Variants in NRG3 observed in about 807,000 individuals in gnomAD.
NRG3 encodes pro-neuregulin-3, membrane-bound isoform.
Under a neutral mutation model 66.9 loss-of-function variants are expected in NRG3, and 31 were observed. The observed-to-expected ratio is 0.46, with a 90% CI of 0.35 to 0.63. The LOEUF is 0.63. Among genes scored for constraint, NRG3 ranks in the 20% least tolerant of loss-of-function variants. The pLI is 0.00. For missense variants in NRG3, 910 were observed against 878.9 expected (o/e 1.04, Z -0.45); for synonymous variants, 393 against 359.4 (o/e 1.09, Z -1.06).
chr10:82,946,506 T>C (rs1342930811), intron 4 of NRG3, among the ~76,000 whole-genome samples: 2 of 150,886 alleles, frequency 1.3e-5, no homozygotes, highest in East Asian at 3.9e-4. Context: ...ACCACTGCAC[T>C]CCAGGCTGGT....
intron 4 of NRG3, among the ~76,000 whole-genome samples, chr10:82,933,439 G>A (rs578159027): frequency 6.6e-6 from 1 of 151,944 alleles, no homozygotes; most frequent in Non-Finnish European, 1.5e-5. Context: ...CTCAGGTATG[G>A]GCAAATTATC....
At chr10:82,089,391 C>T (rs1365364176) in intron 1 of NRG3, among the ~76,000 whole-genome samples, 1 of 152,114 alleles carries the variant, frequency 6.6e-6, no homozygotes, top group East Asian at 1.9e-4. Context: ...GCAATCTGTG[C>T]TTCCCTTGTG....
At chr10:81,968,630 T>G (rs1422478966) in intron 1 of NRG3, among the ~76,000 whole-genome samples, 1 of 152,242 alleles carries the variant, frequency 6.6e-6, no homozygotes, top group Non-Finnish European at 1.5e-5. Context: ...TAGAGCATAC[T>G]TTATTTAACA....
At chr10:82,037,760 C>T (rs1001725873) in intron 1 of NRG3, among the ~76,000 whole-genome samples, 1 of 152,020 alleles carries the variant, frequency 6.6e-6, no homozygotes, top group Non-Finnish European at 1.5e-5. Flanking sequence ...ATATTCATGG[C>T]ATCTGCCTCA....
At chr10:82,421,711 A>C (rs1436760723) in intron 2 of NRG3, among the ~76,000 whole-genome samples, 2 of 152,032 alleles carry the variant, frequency 1.3e-5, no homozygotes, top group Non-Finnish European at 2.9e-5. Flanking sequence ...GCTAAGCCCC[A>C]GTTCTGCATC....
chr10:82,360,304 C>T (rs932074691), intron 2 of NRG3, among the ~76,000 whole-genome samples: 1 of 152,230 alleles, frequency 6.6e-6, no homozygotes, highest in African/African-American at 2.4e-5. Flanking sequence ...TGAGCTACTC[C>T]TTCAAAGCGT....
At chr10:82,906,254 C>T (rs2131926336) in intron 4 of NRG3, among the ~76,000 whole-genome samples, 1 of 152,274 alleles carries the variant, frequency 6.6e-6, no homozygotes, top group South Asian at 2.1e-4. Context: ...TTCTGCTCCT[C>T]AATATTAACC....
chr10:82,619,300 C>G (rs1365904015), intron 2 of NRG3, among the ~76,000 whole-genome samples: 1 of 152,094 alleles, frequency 6.6e-6, no homozygotes, highest in Non-Finnish European at 1.5e-5. Context: ...GCCTTTAATA[C>G]CAGTGTGAGC....
Position 82,289,924 on chromosome 10 carries a change from C to T in NRG3, c.824-68815C>T, listed in dbSNP as rs2079628350. ...CAAGCATCAGGCAATTCCCCATGGC[C>T]CTGTTTTCTGAGAAGGTTCTATTTA... On this transcript the variant is annotated intron_variant, in intron 1 of 8. Coordinates refer to ENST00000372141, the MANE Select transcript of NRG3 (RefSeq NM_001010848.4). Among the ~76,000 whole-genome samples, 5 of 152,154 alleles carry T rather than the reference C, an allele frequency of 3.3e-5. No homozygotes were observed. The South Asian group carries it at 1.0e-3, about 32-fold the overall frequency.
At chr10:82,570,443 G>A (rs1590712021) in intron 2 of NRG3, among the ~76,000 whole-genome samples, 1 of 151,694 alleles carries the variant, frequency 6.6e-6, no homozygotes, top group East Asian at 1.9e-4. Context: ...TGATGGTAGG[G>A]AGAGGTGATC....
chr10:82,798,881 C>T (rs984237017), intron 3 of NRG3, among the ~76,000 whole-genome samples: 1 of 152,076 alleles, frequency 6.6e-6, no homozygotes, highest in Non-Finnish European at 1.5e-5. Flanking sequence ...TCTCGGACCC[C>T]TTGGGATATA....
intron 1 of NRG3, among the ~76,000 whole-genome samples, chr10:81,893,669 G>T (rs1183038817): frequency 1.3e-5 from 2 of 152,004 alleles, no homozygotes; most frequent in African/African-American, 4.8e-5. Flanking sequence ...GTATCTTCTT[G>T]GTTTTTATCT....
chr10:81,973,353 G>T (rs557947623), intron 1 of NRG3, among the ~76,000 whole-genome samples: 1 of 152,296 alleles, frequency 6.6e-6, no homozygotes, highest in African/African-American at 2.4e-5. Context: ...ATTGTGAATA[G>T]TGCTGAAATG....
intron 2 of NRG3, among the ~76,000 whole-genome samples, chr10:82,627,501 A>C (rs899606707): frequency 1.3e-5 from 2 of 152,182 alleles, no homozygotes; most frequent in African/African-American, 4.8e-5. Flanking sequence ...ATATGCTGAA[A>C]AAATAACCTC....
chr10:82,247,392 TAGAA>T (rs1208522182), intron 1 of NRG3, among the ~76,000 whole-genome samples: 1 of 152,160 alleles, frequency 6.6e-6, no homozygotes, highest in African/African-American at 2.4e-5. Context: ...TGTCCCCTCT[TAGAA>T]AGAGAATAAG....
At chr10:82,413,609 T>A (rs1390644683) in intron 2 of NRG3, among the ~76,000 whole-genome samples, 1 of 152,164 alleles carries the variant, frequency 6.6e-6, no homozygotes, top group African/African-American at 2.4e-5. Context: ...AGTCATTGAC[T>A]TCTCTCTAGC....
intron 1 of NRG3, among the ~76,000 whole-genome samples, chr10:82,063,133 C>T (rs1006193039): frequency 6.6e-6 from 1 of 152,186 alleles, no homozygotes; most frequent in Non-Finnish European, 1.5e-5. Flanking sequence ...CAGGAGTCCC[C>T]TCCACCTCAA....
intron 2 of NRG3, among the ~76,000 whole-genome samples, chr10:82,614,384 T>C (rs190544884): frequency 6.6e-6 from 1 of 152,340 alleles, no homozygotes; most frequent in Admixed American, 6.5e-5. Context: ...GGTGCAGCAG[T>C]ATAAATACTA....
At position 82,270,418 on chromosome 10, in the gene NRG3, T is replaced by A. The variant is rs183877298; in HGVS notation, c.824-88321T>A. Among the ~76,000 whole-genome samples, 473 of 152,266 alleles carry A rather than the reference T, an allele frequency of 3.1e-3. 5 individuals are homozygous for A. The highest frequency in any genetic ancestry group is 0.011 in the African/African-American group (446 of 41,552). ...AATGTTGAGTATATTAATAGGGTAT[T>A]TGGGACTTTCCTTGTACTGAGGGCA... On this transcript the variant is annotated intron_variant, in intron 1 of 8. Coordinates refer to ENST00000372141, the MANE Select transcript of NRG3 (RefSeq NM_001010848.4).
Sources: allele counts gnomAD v4.1 joint callset (sites outside exome capture counted in the v4.1 genomes callset), GRCh38; gene constraint gnomAD v4.1.1; transcripts MANE v1.5; gene names NCBI Gene and HGNC (gene_info 2026-07-23, HGNC 2026-07-21).